ZNF718: variants seen among roughly 807,000 people sequenced by gnomAD.
ZNF718 encodes the protein zinc finger protein 718.
ZNF718 carries 3 observed loss-of-function variants against 2.6 expected under a neutral mutation model. The ratio of observed to expected loss-of-function variants is 1.16; its 90% CI spans 0.53 to 3.01. ZNF718 has a LOEUF of 3.01. Among genes scored for constraint, ZNF718 ranks in the 30% most tolerant of loss-of-function variants. The pLI, the probability that ZNF718 is intolerant of heterozygous loss-of-function variation, is 0.03. For synonymous variants in ZNF718, 135 were observed against 77.9 expected (o/e 1.73, Z -3.86); for missense variants, 468 against 230.0 (o/e 2.03, Z -6.69).
At position 151,753 on chromosome 4, in the gene ZNF718, G is replaced by T. The variant is rs145307440; in HGVS notation, c.227-9159G>T. ...CCTCAACCAACCAATGTAGGGGTGG[G>T]TTGCCCCTACACACCTGTGGGTGTT... On this transcript the variant is annotated intron_variant, in intron 3 of 3. Coordinates refer to ENST00000510175, the MANE Select transcript of ZNF718 (RefSeq NM_001039127.6). Among the ~76,000 whole-genome samples the T allele has an allele frequency of 5.6e-3, 851 of 152,100 alleles. 6 individuals are homozygous for T. Among genetic ancestry groups the T allele is most frequent in the African/African-American group, 0.019 (800 of 41,506 alleles).
downstream of ZNF718, among the ~76,000 whole-genome samples, chr4:167,315 G>A (rs1273213792): frequency 1.3e-5 from 2 of 152,124 alleles, no homozygotes; most frequent in Non-Finnish European, 2.9e-5. Context: ...TTTGGCTTAG[G>A]ATTGCTTTGC....
rs909478260 is a variant in ZNF718 at position 133,846 on chromosome 4, T to C, written c.226+2341T>C. ...ACAGTATAATGATTTGATATGTATA[T>C]ACATTGTAAAATAAAATATAGTCAA... On this transcript the variant is annotated intron_variant, in intron 3 of 3. Transcript: ENST00000510175. 3.3e-5 allele frequency among the ~76,000 whole-genome samples: 5 copies of C among 152,350 alleles called. No homozygotes were observed. The East Asian group carries it at 7.7e-4, about 23-fold the overall frequency.
At chr4:151,718 A>C (rs1211183627) in intron 3 of ZNF718, among the ~76,000 whole-genome samples, 1 of 152,082 alleles carries the variant, frequency 6.6e-6, no homozygotes, top group African/African-American at 2.4e-5. Flanking sequence ...AACCTCAGGT[A>C]ATCCACCCAC....
chr4:188,215 C>G (rs1051412840), intron 3 of ZNF718, among the ~76,000 whole-genome samples: 3 of 152,138 alleles, frequency 2.0e-5, no homozygotes, highest in Non-Finnish European at 4.4e-5. Flanking sequence ...CTGGAGGCCC[C>G]TGCTGGGAAG....
chr4:124,796 C>G (rs1715119505), intron 1 of ZNF718, 123 bp downstream of exon 1: 1 of 1,335,112 alleles, frequency 7.5e-7, no homozygotes, highest in Admixed American at 2.0e-5. Flanking sequence ...TCAGTCCCCT[C>G]CGGTGAGGGA....
chr4:179,166 A>G (rs1717407223), intron 3 of ZNF718, among the ~76,000 whole-genome samples: 1 of 152,326 alleles, frequency 6.6e-6, no homozygotes, highest in African/African-American at 2.4e-5. Flanking sequence ...CTGTTTGGTC[A>G]TGATAACCTA....
rs1301858406 is a variant in ZNF718, at chr4:130,668, G to A, written c.4-120G>A. 7.1e-5 allele frequency: 12 copies of A among 169,092 alleles called. 4 individuals carry two copies. Among genetic ancestry groups the A allele is most frequent in the Non-Finnish European group, 1.2e-4 (11 of 89,720 alleles). The allele number at this position is 169,092 out of a possible 1,614,324, so 10.5% of individuals were successfully genotyped here. ...GAGGCAGGAGAATCACTTGAGCCTGGGAGGTGAAGTTTGCAGTGAGCTGAG... is the reference window on the plus strand; with the variant it reads ...GAGGCAGGAGAATCACTTGAGCCTGAGAGGTGAAGTTTGCAGTGAGCTGAG... On this transcript the variant is annotated intron_variant, in intron 1 of 3. Transcript: ENST00000510175.
chr4:174,331 A>G (rs943422996), intron 3 of ZNF718, among the ~76,000 whole-genome samples: 2 of 152,162 alleles, frequency 1.3e-5, no homozygotes, highest in Admixed American at 6.5e-5. Flanking sequence ...CCATCCTGCA[A>G]TATGCTCACA....
intron 3 of ZNF718, among the ~76,000 whole-genome samples, chr4:157,114 T>C (rs200255568): frequency 0.56 from 63,554 of 113,380 alleles, 15,966 homozygotes; most frequent in East Asian, 0.8. Context: ...TTTTTTTTTT[T>C]TTTTTTTTTT....
intron 3 of ZNF718, among the ~76,000 whole-genome samples, chr4:147,571 A>G (rs1209498386): frequency 6.6e-6 from 1 of 152,116 alleles, no homozygotes; most frequent in African/African-American, 2.4e-5. Context: ...ACTTTCTTCA[A>G]GATGTTGATC....
chr4:151,100 T>C (rs1309976616), intron 3 of ZNF718, among the ~76,000 whole-genome samples: 2 of 152,158 alleles, frequency 1.3e-5, no homozygotes, highest in Non-Finnish European at 2.9e-5. Context: ...TATTTTTTAA[T>C]TAATTAATTT....
chr4:169,441 G>C (rs1217130853), intron 3 of ZNF718, among the ~76,000 whole-genome samples: 2 of 152,094 alleles, frequency 1.3e-5, no homozygotes, highest in African/African-American at 4.8e-5. Context: ...GTCTAATATT[G>C]ACAGTGGGGT....
chr4:178,286 A>G (rs1244577087), intron 3 of ZNF718, among the ~76,000 whole-genome samples: 1 of 151,890 alleles, frequency 6.6e-6, no homozygotes, highest in East Asian at 1.9e-4. Context: ...CTACAGGTAC[A>G]TGTCACTACA....
At chr4:160,575 G>A (rs1553814685) in intron 3 of ZNF718, among the ~76,000 whole-genome samples, 1 of 151,904 alleles carries the variant, frequency 6.6e-6, no homozygotes, top group East Asian at 1.9e-4. Flanking sequence ...ATTGAGATGG[G>A]GTCTCACACT....
intron 3 of ZNF718, chr4:149,792 A>G (rs889678360): frequency 7.9e-5 from 12 of 152,166 alleles, no homozygotes; most frequent in Non-Finnish European, 1.3e-4. Flanking sequence ...TTGTCTTATT[A>G]CATATTATTC....
Position 135,798 on chromosome 4 carries a change from A to C in ZNF718, c.226+4293A>C, listed in dbSNP as rs898562866. Among the ~76,000 whole-genome samples the C allele has an allele frequency of 5.7e-4, 67 of 116,798 alleles. 1 individual carries two copies. The highest frequency in any genetic ancestry group is 1.9e-3 in the African/African-American group (62 of 32,606). 76.6% of individuals were successfully genotyped at this position (116,798 alleles called of 152,430 possible). On this transcript the variant is annotated intron_variant, in intron 3 of 3. Transcript: ENST00000510175. Reference sequence around the variant, plus strand: ...GTTTTTATTTCTTTCCCAAAGCTGGAGAGCTTCGTTTTCCTTTTCCTTGCC... The same window carrying C: ...GTTTTTATTTCTTTCCCAAAGCTGGCGAGCTTCGTTTTCCTTTTCCTTGCC...
intron 3 of ZNF718, among the ~76,000 whole-genome samples, chr4:145,421 A>G (rs932957880): frequency 7.2e-5 from 11 of 152,150 alleles, no homozygotes; most frequent in African/African-American, 1.9e-4. Context: ...AGAGACTTAC[A>G]TAAAACATCT....
chr4:142,021 A>G, intron 3 of ZNF718: 1 of 520,046 alleles, frequency 1.9e-6, no homozygotes, highest in Admixed American at 1.9e-5. Context: ...AAATCTTCTG[A>G]GAACATAGGA....
At chr4:138,501 G>A (rs1463261632) in intron 3 of ZNF718, among the ~76,000 whole-genome samples, 2 of 152,072 alleles carry the variant, frequency 1.3e-5, no homozygotes, top group Non-Finnish European at 2.9e-5. Flanking sequence ...TGTTATGTAT[G>A]TGCACCACAT....
Sources: allele counts gnomAD v4.1 joint callset (sites outside exome capture counted in the v4.1 genomes callset), GRCh38; gene constraint gnomAD v4.1.1; transcripts MANE v1.5; gene names NCBI Gene and HGNC (gene_info 2026-07-23, HGNC 2026-07-21).